The following ZFHX3 variants were observed in gnomAD, a reference collection of about 807,000 sequenced individuals.
The protein encoded by ZFHX3 is zinc finger homeobox 3, also known as zinc finger homeobox protein 3.
A neutral mutation model predicts 279.1 loss-of-function variants in ZFHX3; 42 were observed. The ratio of observed to expected loss-of-function variants is 0.15; its 90% CI spans 0.12 to 0.19. ZFHX3 has a LOEUF of 0.19. ZFHX3 is among the 10% of genes least tolerant of loss of function. ZFHX3 has a pLI of 1.00. For missense variants in ZFHX3, 4,981 were observed against 4,754.0 expected, an observed-to-expected ratio of 1.05 and a Z score of -1.40; for synonymous variants, 2,293 against 1,957.8, an observed-to-expected ratio of 1.17 and a Z score of -4.52.
intron 1 of ZFHX3, among the ~76,000 whole-genome samples, chr16:73,831,931 C>T (rs1453933468): frequency 6.6e-6 from 1 of 152,192 alleles, no homozygotes; most frequent in East Asian, 1.9e-4. Context: ...AATGGAGTCT[C>T]TCTCTGTCAC....
chr16:73,428,450 G>A (rs1405961985), intron 3 of ZFHX3, among the ~76,000 whole-genome samples: 5 of 152,012 alleles, frequency 3.3e-5, no homozygotes, highest in South Asian at 2.1e-4. Flanking sequence ...ACACCTCCCC[G>A]CGCTCCCTCG....
intron 4 of ZFHX3, among the ~76,000 whole-genome samples, chr16:73,263,581 G>A (rs1267894035): frequency 6.6e-6 from 1 of 152,110 alleles, no homozygotes; most frequent in African/African-American, 2.4e-5. Flanking sequence ...CCTCCCAGAA[G>A]CAGCTTCTGT....
chr16:73,147,520 G>A (rs904854487), intron 5 of ZFHX3, among the ~76,000 whole-genome samples: 3 of 149,608 alleles, frequency 2.0e-5, no homozygotes, highest in Admixed American at 6.6e-5. Flanking sequence ...GTGAAACCCC[G>A]TCTCTACTAA....
At chr16:73,246,099 T>C (rs1340334043) in intron 5 of ZFHX3, among the ~76,000 whole-genome samples, 1 of 152,136 alleles carries the variant, frequency 6.6e-6, no homozygotes, top group African/African-American at 2.4e-5. Context: ...CAAGGTTTCT[T>C]GGTTATGCTT....
intron 1 of ZFHX3, among the ~76,000 whole-genome samples, chr16:72,972,659 C>T (rs1402234079): frequency 6.6e-6 from 1 of 152,110 alleles, no homozygotes; most frequent in African/African-American, 2.4e-5. Flanking sequence ...AGATTTCTGT[C>T]CTCTGTCCAA....
intron 1 of ZFHX3, among the ~76,000 whole-genome samples, chr16:73,814,217 T>C (rs543649969): frequency 6.6e-6 from 1 of 152,238 alleles, no homozygotes; most frequent in South Asian, 2.1e-4. Flanking sequence ...TTACTTCCTC[T>C]CCCACCCCCA....
At chr16:72,855,791 T>C (rs1291502214) in intron 4 of ZFHX3, among the ~76,000 whole-genome samples, 1 of 152,102 alleles carries the variant, frequency 6.6e-6, no homozygotes, top group Non-Finnish European at 1.5e-5. Context: ...ATTTGACTCA[T>C]TGCAATAGGA....
chr16:73,507,260 G>A (rs1410557055), intron 2 of ZFHX3, among the ~76,000 whole-genome samples: 1 of 152,136 alleles, frequency 6.6e-6, no homozygotes, highest in Admixed American at 6.5e-5. Flanking sequence ...AGGTAATATA[G>A]AACATCCGGA....
In ZFHX3 at chr16:72,786,415, A is replaced by ATTTTTT. The variant is rs71156124; in HGVS notation, c.*743_*748dup. 1 of 141,572 alleles carries ATTTTTT rather than the reference A, an allele frequency of 7.1e-6. No homozygotes were observed. Among genetic ancestry groups the ATTTTTT allele is most frequent in the Admixed American group, 7.0e-5 (1 of 14,238 alleles). 8.8% of individuals were successfully genotyped at this position (141,572 alleles called of 1,614,324 possible). On this transcript the variant is annotated 3_prime_UTR_variant, in exon 10 of 10. Transcript: ENST00000268489. ...ACACTCTTTGTGTGTGTGGGTTATT[A>ATTTTTT]TTTTTTTTTTTTTTTGAAAGTGGGA...
intron 3 of ZFHX3, among the ~76,000 whole-genome samples, chr16:73,362,466 T>C (rs1468037307): frequency 6.6e-6 from 1 of 152,164 alleles, no homozygotes; most frequent in Non-Finnish European, 1.5e-5. Flanking sequence ...GGATGGTGCA[T>C]CCAATTTACA....
intron 3 of ZFHX3, among the ~76,000 whole-genome samples, chr16:72,930,023 G>C (rs1299819977): frequency 6.6e-6 from 1 of 152,188 alleles, no homozygotes; most frequent in Non-Finnish European, 1.5e-5. Context: ...TTCAACACCA[G>C]CCTGGCCAAC....
rs2035226033 is a variant in ZFHX3 at position 72,783,752 on chromosome 16, A to C, written c.*3412T>G. The C allele has an allele frequency of 1.3e-5, 2 of 152,220 alleles. No homozygotes were observed. Among genetic ancestry groups the C allele is most frequent in the African/African-American group, 4.8e-5 (2 of 41,452 alleles). 9.4% of individuals were successfully genotyped at this position (152,220 alleles called of 1,614,324 possible). On this transcript the variant is annotated 3_prime_UTR_variant, in exon 10 of 10. Coordinates refer to ENST00000268489, the MANE Select transcript of ZFHX3 (RefSeq NM_006885.4). ...AAAACCAAAAAACGAGTGTCAATGGAGGTGAAGAACTAATTTAAAAAGCAA... is the reference window on the plus strand; with the variant it reads ...AAAACCAAAAAACGAGTGTCAATGGCGGTGAAGAACTAATTTAAAAAGCAA...
chr16:72,810,591 C>T (rs1465142176), intron 7 of ZFHX3, among the ~76,000 whole-genome samples: 1 of 152,220 alleles, frequency 6.6e-6, no homozygotes. Context: ...TACATCTTTA[C>T]ACTAATTAGG....
At chr16:73,578,360 C>G (rs1252592142) in intron 2 of ZFHX3, among the ~76,000 whole-genome samples, 1 of 147,260 alleles carries the variant, frequency 6.8e-6, no homozygotes, top group Non-Finnish European at 1.5e-5. Flanking sequence ...AGGGCTTTTG[C>G]TCAAGTTTCG....
chr16:73,807,517 C>T (rs1156934322), intron 1 of ZFHX3, among the ~76,000 whole-genome samples: 1 of 150,792 alleles, frequency 6.6e-6, no homozygotes, highest in Non-Finnish European at 1.5e-5. Context: ...TGCAGTAGCA[C>T]AATCATAGCT....
intron 2 of ZFHX3, among the ~76,000 whole-genome samples, chr16:73,663,984 T>A (rs2052810506): frequency 6.6e-6 from 1 of 152,144 alleles, no homozygotes; most frequent in Admixed American, 6.6e-5. Context: ...CACCACCCAT[T>A]TAGAGATGCA....
intron 1 of ZFHX3, among the ~76,000 whole-genome samples, chr16:73,857,103 T>C (rs1017291544): frequency 6.6e-6 from 1 of 152,204 alleles, no homozygotes; most frequent in Non-Finnish European, 1.5e-5. Context: ...ATCTGAGGGA[T>C]TTCCATGCTC....
chr16:73,859,235 A>G (rs1298488299), intron 1 of ZFHX3, among the ~76,000 whole-genome samples: 2 of 152,216 alleles, frequency 1.3e-5, no homozygotes, highest in African/African-American at 4.8e-5. Flanking sequence ...CATAAAAATG[A>G]TCAATATAAC....
intron 1 of ZFHX3, among the ~76,000 whole-genome samples, chr16:73,037,547 G>T (rs140556581): frequency 9.9e-5 from 15 of 152,248 alleles, no homozygotes; most frequent in African/African-American, 3.6e-4. Context: ...GAAACCTGGG[G>T]CTTGGAGCTA....
Sources: gnomAD v4.1 joint callset for allele counts (sites outside exome capture counted in the v4.1 genomes callset) on GRCh38, gnomAD v4.1.1 for gene constraint, MANE v1.5 for transcripts, NCBI Gene and HGNC (gene_info 2026-07-23, HGNC 2026-07-21) for gene names.